Variants in KIF3B observed in about 807,000 individuals in gnomAD.
KIF3B encodes the protein kinesin family member 3B, also known as kinesin-like protein KIF3B.
Under a neutral mutation model 74.3 loss-of-function variants are expected in KIF3B, and 38 were observed. The ratio of observed to expected loss-of-function variants is 0.51; its 90% CI spans 0.39 to 0.67. KIF3B has a LOEUF of 0.67. Ranked by LOEUF, KIF3B falls within the 30% of genes least tolerant of loss-of-function variation. The pLI, the probability that KIF3B is intolerant of heterozygous loss-of-function variation, is 0.00. For missense variants in KIF3B, 649 were observed against 932.0 expected (o/e 0.70, Z 3.95); for synonymous variants, 326 against 342.5 (o/e 0.95, Z 0.53).
chr20:32,285,423 C>G (rs909730181), intron 1 of KIF3B, among the ~76,000 whole-genome samples: 4 of 152,212 alleles, frequency 2.6e-5, no homozygotes, highest in Admixed American at 2.6e-4. Flanking sequence ...AACATTCCAT[C>G]TCACTGTGCC....
chr20:32,283,281 A>C (rs1354179884), intron 1 of KIF3B, among the ~76,000 whole-genome samples: 1 of 151,736 alleles, frequency 6.6e-6, no homozygotes, highest in Non-Finnish European at 1.5e-5. Context: ...TGAGGTGTGC[A>C]GATCACGAGG....
At chr20:32,302,403 G>C (rs1177129986) in intron 1 of KIF3B, among the ~76,000 whole-genome samples, 1 of 152,208 alleles carries the variant, frequency 6.6e-6, no homozygotes, top group Non-Finnish European at 1.5e-5. Flanking sequence ...AGATTTTTAA[G>C]ATTAATGTAG....
At chr20:32,281,919 T>A (rs1469324569) in intron 1 of KIF3B, among the ~76,000 whole-genome samples, 1 of 151,598 alleles carries the variant, frequency 6.6e-6, no homozygotes, top group Non-Finnish European at 1.5e-5. Context: ...CAGGGACAGG[T>A]GAGTCAAAGG....
intron 7 of KIF3B, 58 bp from the exon 8 acceptor site, chr20:32,330,083 T>C: frequency 6.6e-7 from 1 of 1,503,962 alleles, no homozygotes; most frequent in Non-Finnish European, 9.0e-7. Context: ...CTCGATTGCT[T>C]GTACTGCCTG....
chr20:32,327,322 T>C (rs1450337126), intron 6 of KIF3B, among the ~76,000 whole-genome samples: 1 of 152,186 alleles, frequency 6.6e-6, no homozygotes, highest in African/African-American at 2.4e-5. Flanking sequence ...TTGACAGCTA[T>C]GCTTTGTGAA....
At chr20:32,300,781 C>T (rs2047739639) in intron 1 of KIF3B, among the ~76,000 whole-genome samples, 1 of 152,126 alleles carries the variant, frequency 6.6e-6, no homozygotes, top group Non-Finnish European at 1.5e-5. Context: ...TTCTTGTGCA[C>T]ATATGCAAAG....
intron 2 of KIF3B, among the ~76,000 whole-genome samples, chr20:32,313,090 A>T (rs1381799681): frequency 6.6e-6 from 1 of 152,112 alleles, no homozygotes; most frequent in Non-Finnish European, 1.5e-5. Context: ...GTGTGCTAAT[A>T]TATTTCTTTA....
rs1409699734 is a variant in KIF3B, at chr20:32,309,733, T to C, written c.-45T>C. On this transcript the variant is annotated 5_prime_UTR_variant, in exon 2 of 9. Transcript: ENST00000375712. Reference sequence around the variant, plus strand: ...TCTAGGACCGTAGCATCCTGAGACATTTTGAATTGACACTTCTCAAGATTT... The same window carrying C: ...TCTAGGACCGTAGCATCCTGAGACACTTTGAATTGACACTTCTCAAGATTT... 1 of 1,577,224 alleles carries C rather than the reference T, an allele frequency of 6.3e-7. No homozygotes were observed. Among genetic ancestry groups the C allele is most frequent in the East Asian group, 2.2e-5 (1 of 44,544 alleles).
intron 1 of KIF3B, among the ~76,000 whole-genome samples, chr20:32,289,173 C>G (rs547440163): frequency 7.1e-6 from 1 of 141,530 alleles, no homozygotes; most frequent in Non-Finnish European, 1.6e-5. Flanking sequence ...GTCAAGAATA[C>G]TGTATTTGTT....
At chr20:32,293,653 G>A (rs569286914) in intron 1 of KIF3B, among the ~76,000 whole-genome samples, 3 of 151,956 alleles carry the variant, frequency 2.0e-5, no homozygotes, top group Non-Finnish European at 2.9e-5. Flanking sequence ...GTTGGGGGGC[G>A]GGGAGAAGGA....
intron 5 of KIF3B, among the ~76,000 whole-genome samples, chr20:32,324,373 T>G (rs2047892514): frequency 1.3e-5 from 2 of 152,144 alleles, no homozygotes; most frequent in African/African-American, 4.8e-5. Context: ...CTGAAGGGAT[T>G]GTTAAACACA....
At position 32,317,641 on chromosome 20, in the gene KIF3B, G is replaced by T. The variant is rs528529335; in HGVS notation, c.1748+767G>T. Among the ~76,000 whole-genome samples, 77 of 139,896 alleles carry T rather than the reference G, an allele frequency of 5.5e-4. 1 individual carries two copies. Among genetic ancestry groups the T allele is most frequent in the Non-Finnish European group, 1.1e-4 (7 of 63,906 alleles). 91.8% of individuals were successfully genotyped at this position (139,896 alleles called of 152,430 possible). ...TATATATATATATATGATCACAGTG[G>T]TTTTTTTTTTTTTTGAGACAGAGTT... On this transcript the variant is annotated intron_variant, in intron 5 of 8. Transcript: ENST00000375712.
At chr20:32,323,526 G>C (rs2047887266) in intron 5 of KIF3B, among the ~76,000 whole-genome samples, 1 of 151,286 alleles carries the variant, frequency 6.6e-6, no homozygotes, top group Non-Finnish European at 1.5e-5. Context: ...CGGCCTCCCA[G>C]GTAGCTGGGA....
intron 1 of KIF3B, among the ~76,000 whole-genome samples, chr20:32,307,052 T>C (rs1223687423): frequency 2.0e-5 from 3 of 152,186 alleles, no homozygotes; most frequent in Admixed American, 2.0e-4. Context: ...TGTTTGTTTT[T>C]TAAATAGAGT....
intron 1 of KIF3B, among the ~76,000 whole-genome samples, chr20:32,301,064 A>G (rs1279977808): frequency 1.5e-5 from 2 of 131,764 alleles, no homozygotes; most frequent in East Asian, 2.3e-4. Context: ...AGGTCTTCCT[A>G]TGTTGCCCAC....
At chr20:32,298,546 A>T (rs1283677278) in intron 1 of KIF3B, among the ~76,000 whole-genome samples, 1 of 152,236 alleles carries the variant, frequency 6.6e-6, no homozygotes, top group African/African-American at 2.4e-5. Context: ...GAAAGGATAA[A>T]GTATTACAGA....
intron 1 of KIF3B, among the ~76,000 whole-genome samples, chr20:32,308,867 C>G (rs954870556): frequency 1.3e-4 from 20 of 151,844 alleles, no homozygotes; most frequent in Admixed American, 1.3e-3. Flanking sequence ...AGGCGCCTGC[C>G]ACCACACCCG....
chr20:32,282,492 C>T (rs1239720628), intron 1 of KIF3B, among the ~76,000 whole-genome samples: 1 of 152,122 alleles, frequency 6.6e-6, no homozygotes, highest in African/African-American at 2.4e-5. Flanking sequence ...CCAGATTATG[C>T]TGGCAGAAGC....
rs777509379 is a variant in KIF3B at position 32,316,746 on chromosome 20, C to G, written c.1630-10C>G. On this transcript the variant is annotated splice_polypyrimidine_tract_variant and intron_variant, in intron 4 of 8. Coordinates refer to ENST00000375712, the MANE Select transcript of KIF3B (RefSeq NM_004798.4). ...GACACCCTCCTCACCTGCCTCTCCC[C>G]TCATTCCAGCTCTTCTCCAAGCTTC... 4.5e-5 allele frequency: 72 copies of G among 1,613,604 alleles called. No individual in the cohort carries two copies. Among genetic ancestry groups the G allele is most frequent in the Admixed American group, 6.7e-5 (4 of 59,998 alleles).
Sources: allele counts gnomAD v4.1 joint callset (sites outside exome capture counted in the v4.1 genomes callset), GRCh38; gene constraint gnomAD v4.1.1; transcripts MANE v1.5; gene names NCBI Gene and HGNC (gene_info 2026-07-23, HGNC 2026-07-21).